Variants in IFT140 observed in about 807,000 individuals in gnomAD.
The protein encoded by IFT140 is intraflagellar transport 140.
IFT140 carries 133 observed loss-of-function variants against 164.6 expected under a neutral mutation model. The observed-to-expected ratio is 0.81, with a 90% CI of 0.70 to 0.93. The LOEUF (loss-of-function observed/expected upper bound fraction) is 0.93, where lower values mean the gene tolerates loss of function less well. Among genes scored for constraint, IFT140 ranks in the 40% least tolerant of loss-of-function variants. The pLI is 0.00. For missense variants in IFT140, 2,045 were observed against 1,972.3 expected (o/e 1.04, Z -0.70); for synonymous variants, 860 against 817.3 (o/e 1.05, Z -0.89).
chr16:1,573,612 C>G (rs2034130078), intron 13 of IFT140, among the ~76,000 whole-genome samples: 1 of 152,140 alleles, frequency 6.6e-6, no homozygotes, highest in African/African-American at 2.4e-5. Context: ...AACCCAACCT[C>G]TCAGGCTAGA....
At chr16:1,599,849 C>T (rs1414298020) in intron 4 of IFT140, among the ~76,000 whole-genome samples, 6 of 86,234 alleles carry the variant, frequency 7.0e-5, no homozygotes, top group Admixed American at 2.1e-4. Flanking sequence ...CCCCCCTGCC[C>T]GGCCAGCCGC....
chr16:1,592,249 C>A lies in IFT140; in HGVS notation c.561G>T (p.Lys187Asn), dbSNP rs139286030. The A allele has an allele frequency of 2.8e-5, 46 of 1,614,216 alleles. No individual in the cohort carries two copies. In the African/African-American group the frequency reaches 5.2e-4, roughly 18 times the overall value. Residue 187 changes from lysine (K) to asparagine (N), a missense_variant, in exon 6 of 31, where the codon AAG becomes AAT. Physicochemically the swap from Lys to Asn is moderately conservative, Grantham distance 94. Transcript: ENST00000426508. ...DEKALDMFNW[K>N]KSSSGSLLKM... ...TCAGCAAACTTCCAGAACTGCTCTT[C>A]TTCCAGTTAAACATGTCCAGGGCTT...
intron 19 of IFT140, among the ~76,000 whole-genome samples, chr16:1,552,254 G>A (rs1005508118): frequency 6.6e-6 from 1 of 152,098 alleles, no homozygotes; most frequent in Non-Finnish European, 1.5e-5. Context: ...ACCTCCTCCC[G>A]CCCTCGAGGG....
In IFT140 at chr16:1,540,829, T is replaced by C. The variant is rs536618765; in HGVS notation, c.2400-14033A>G. ...ATCGAATTTCCCAAATATTGTTCAA[T>C]AGAAAACAAGGCATGGCGATGACAG... is the stretch of plus-strand genomic sequence containing the variant. On this transcript the variant is annotated intron_variant, in intron 19 of 30. Coordinates refer to ENST00000426508, the MANE Select transcript of IFT140 (RefSeq NM_014714.4). The C allele has an allele frequency of 3.5e-5, 34 of 985,384 alleles. No individual in the cohort carries two copies. The East Asian group carries it at 9.1e-4, about 26-fold the overall frequency. 61.0% of individuals were successfully genotyped at this position (985,384 alleles called of 1,614,324 possible). A position where few individuals can be genotyped will look rare whatever the true frequency, so the allele number is the denominator to read the frequency against.
At chr16:1,583,829 C>T (rs923130941) in intron 11 of IFT140, among the ~76,000 whole-genome samples, 4 of 152,112 alleles carry the variant, frequency 2.6e-5, no homozygotes, top group African/African-American at 7.2e-5. Context: ...ACAGCAACCT[C>T]CACCTCCTGG....
intron 4 of IFT140, among the ~76,000 whole-genome samples, chr16:1,597,369 C>A (rs574935469): frequency 6.6e-6 from 1 of 152,332 alleles, no homozygotes; most frequent in African/African-American, 2.4e-5. Flanking sequence ...GACTTTGAGG[C>A]CCCTCCCTGA....
chr16:1,513,910 T>A (rs2141111381), intron 30 of IFT140, among the ~76,000 whole-genome samples: 1 of 146,518 alleles, frequency 6.8e-6, no homozygotes, highest in African/African-American at 2.5e-5. Flanking sequence ...CCTGACCTCA[T>A]GATCTGCCCG....
In IFT140 at chr16:1,561,971, T is replaced by C. The variant is rs1372789125; in HGVS notation, c.2199+14A>G. ...AGATCAGAAGACACCTGTGCGGATG[T>C]CGTGGCTTCGTACCTTTCTTGTGAA... On this transcript the variant is annotated intron_variant, in intron 18 of 30. Transcript: ENST00000426508. 1.3e-6 allele frequency: 2 copies of C among 1,585,762 alleles called. No individual in the cohort carries two copies. The highest frequency in any genetic ancestry group is 1.7e-6 in the Non-Finnish European group (2 of 1,166,112).
At chr16:1,554,675 G>T in intron 19 of IFT140, 1 of 1,478,294 alleles carries the variant, frequency 6.8e-7, no homozygotes, top group Non-Finnish European at 9.2e-7. Context: ...CAGAGGGCTG[G>T]GGAAGGATAA....
rs556741432 is a variant in IFT140 at position 1,510,787 on chromosome 16, C to T, written c.*157G>A. ...CAAGGTGCAGACGGGTCACACCCTC[C>T]GCCGGCCCGGGCCGCTGCGTTCTCG... On this transcript the variant is annotated 3_prime_UTR_variant, in exon 31 of 31. Transcript: ENST00000426508. 2.2e-4 allele frequency: 160 copies of T among 711,892 alleles called. No homozygotes were observed. The highest frequency in any genetic ancestry group is 1.6e-3 in the African/African-American group (89 of 57,140). 44.1% of individuals were successfully genotyped at this position (711,892 alleles called of 1,614,324 possible). A position where few individuals can be genotyped will look rare whatever the true frequency, so the allele number is the denominator to read the frequency against.
chr16:1,527,124 G>A, intron 19 of IFT140: 1 of 362,964 alleles, frequency 2.8e-6, no homozygotes. Flanking sequence ...GGCTTCCTGT[G>A]TTGCTTGCAC....
intron 3 of IFT140, among the ~76,000 whole-genome samples, chr16:1,603,519 T>C: frequency 6.6e-6 from 1 of 152,040 alleles, no homozygotes; most frequent in South Asian, 2.1e-4. Context: ...TCTCACTCTG[T>C]AGCCCAGGCT....
intron 8 of IFT140, 50 bp from the exon 9 acceptor site, chr16:1,587,354 T>G (rs1209217117): frequency 8.4e-7 from 1 of 1,192,746 alleles, no homozygotes; most frequent in Admixed American, 1.7e-5. Flanking sequence ...TAGTGGCGTT[T>G]CCCTCTGAGG....
chr16:1,518,862 A>T (rs367943993), intron 29 of IFT140, among the ~76,000 whole-genome samples: 72 of 152,118 alleles, frequency 4.7e-4, no homozygotes, highest in African/African-American at 1.7e-3. Context: ...AGCCTGCTGG[A>T]ACACAACATG....
chr16:1,520,311 C>A lies in IFT140; in HGVS notation c.3693G>T (p.Thr1231=). 1 of 1,614,182 alleles carries A rather than the reference C, an allele frequency of 6.2e-7. No individual in the cohort carries two copies. Among genetic ancestry groups the A allele is most frequent in the Non-Finnish European group, 8.5e-7 (1 of 1,180,036 alleles). The change falls in exon 28 of 31, where the codon ACG becomes ACT. Residue 1231 remains threonine, a synonymous_variant. Transcript: ENST00000426508. ...CGCTCGCGAAGAACGTGATTTTCTCCGTGTCTCCGGATTTGAGCAGCGCCC... is the reference window on the plus strand; with the variant it reads ...CGCTCGCGAAGAACGTGATTTTCTCAGTGTCTCCGGATTTGAGCAGCGCCC... ...AMRALLKSGD[T]EKITFFASVS...
intron 30 of IFT140, among the ~76,000 whole-genome samples, chr16:1,515,856 C>A (rs1415140464): frequency 6.6e-6 from 1 of 152,068 alleles, no homozygotes; most frequent in Non-Finnish European, 1.5e-5. Context: ...ACATGCAAAT[C>A]GGAATCATAG....
chr16:1,537,151 T>A (rs982687297), intron 19 of IFT140, among the ~76,000 whole-genome samples: 1 of 152,100 alleles, frequency 6.6e-6, no homozygotes, highest in East Asian at 1.9e-4. Flanking sequence ...CACAATTCCA[T>A]CCCGAGAACC....
chr16:1,593,465 C>T (rs1402265000), intron 4 of IFT140, among the ~76,000 whole-genome samples: 1 of 152,052 alleles, frequency 6.6e-6, no homozygotes, highest in African/African-American at 2.4e-5. Context: ...GTGCATGCCA[C>T]CACACCCAGC....
At chr16:1,591,550 C>T (rs59591750) in intron 6 of IFT140, among the ~76,000 whole-genome samples, 3,098 of 152,330 alleles carry the variant, frequency 0.02, 249 homozygotes, top group East Asian at 0.13. Context: ...TCCTCAGCCA[C>T]GCCAGCAACC....
Sources: allele counts gnomAD v4.1 joint callset (sites outside exome capture counted in the v4.1 genomes callset), GRCh38; gene constraint gnomAD v4.1.1; transcripts MANE v1.5; gene names NCBI Gene and HGNC (gene_info 2026-07-23, HGNC 2026-07-21).